SOX5: variants seen among roughly 807,000 people sequenced by gnomAD.
SOX5 encodes SRY-box transcription factor 5.
Under a neutral mutation model 92.0 loss-of-function variants are expected in SOX5, and 9 were observed. That is an observed-to-expected ratio of 0.10 (90% CI 0.06 to 0.17). SOX5 has a LOEUF of 0.17. SOX5 is among the 10% of genes least tolerant of loss of function. The probability of loss-of-function intolerance (pLI) is 1.00; values close to 1 mark genes in which losing one functional copy is unlikely to be tolerated. For synonymous variants in SOX5, 344 were observed against 336.3 expected, an observed-to-expected ratio of 1.02 and a Z score of -0.25; for missense variants, 642 against 944.5, an observed-to-expected ratio of 0.68 and a Z score of 4.20.
At chr12:23,658,601 T>A (rs1341814133) in intron 7 of SOX5, among the ~76,000 whole-genome samples, 3 of 152,074 alleles carry the variant, frequency 2.0e-5, no homozygotes, top group African/African-American at 7.2e-5. Flanking sequence ...ACACAAAAAA[T>A]ACAGAAACCA....
rs7308858 is a variant in SOX5, at chr12:24,053,711, C to A, written c.-1-157687G>T. Among the ~76,000 whole-genome samples the A allele has an allele frequency of 5.4e-3, 820 of 152,220 alleles. 7 individuals are homozygous for A. The highest frequency in any genetic ancestry group is 0.019 in the African/African-American group (793 of 41,500). ...ACTTACTCTCTTCAAATTGCTGCAC[C>A]TCATGTCTTTCTCTTTATTGACTTG... On this transcript the variant is annotated intron_variant, in intron 4 of 4. Coordinates refer to the SOX5 transcript ENST00000446891.
Position 24,446,686 on chromosome 12 carries a change from G to T in SOX5, c.-250-78047C>A, listed in dbSNP as rs558773287. The stretch of plus-strand genomic sequence containing the variant: ...TGGAATTTCAGAAACCAGGTAAGAG[G>T]TCATTGCCACAGAGCAGGCAAGAGG... On this transcript the variant is annotated intron_variant, in intron 1 of 4. Coordinates refer to the SOX5 transcript ENST00000446891. Among the ~76,000 whole-genome samples, 5 of 152,282 alleles carry T rather than the reference G, an allele frequency of 3.3e-5. No homozygotes were observed. The South Asian group carries it at 1.0e-3, about 32-fold the overall frequency.
At chr12:24,482,092 G>A (rs915546918) in intron 1 of SOX5, among the ~76,000 whole-genome samples, 10 of 152,070 alleles carry the variant, frequency 6.6e-5, no homozygotes, top group East Asian at 3.9e-4. Context: ...ATTGTCCTTC[G>A]CCTCGGTAAC....
intron 3 of SOX5, among the ~76,000 whole-genome samples, chr12:23,773,252 A>C (rs1288636839): frequency 6.6e-6 from 1 of 152,208 alleles, no homozygotes; most frequent in Non-Finnish European, 1.5e-5. Context: ...CTGTGACTAA[A>C]TAATTTGTTC....
intron 3 of SOX5, among the ~76,000 whole-genome samples, chr12:24,256,315 G>C (rs1941152714): frequency 6.6e-6 from 1 of 152,122 alleles, no homozygotes; most frequent in African/African-American, 2.4e-5. Flanking sequence ...TTAATTTATG[G>C]CTTTCCATTC....
At chr12:24,413,283 G>A (rs1428122284) in intron 1 of SOX5, among the ~76,000 whole-genome samples, 1 of 152,172 alleles carries the variant, frequency 6.6e-6, no homozygotes, top group Admixed American at 6.5e-5. Flanking sequence ...GTGGAGCAAT[G>A]TCTTAATAAT....
chr12:24,360,623 G>C (rs964900979), intron 2 of SOX5, among the ~76,000 whole-genome samples: 7 of 152,172 alleles, frequency 4.6e-5, no homozygotes, highest in African/African-American at 1.7e-4. Flanking sequence ...TTTTGTCTGA[G>C]TACTTCATTT....
At chr12:24,050,631 G>A (rs986058878) in intron 4 of SOX5, among the ~76,000 whole-genome samples, 5 of 152,048 alleles carry the variant, frequency 3.3e-5, no homozygotes, top group Non-Finnish European at 7.4e-5. Flanking sequence ...CCCAAAAGAG[G>A]TAATGTCTAG....
chr12:24,343,181 G>A (rs558802421), intron 2 of SOX5, among the ~76,000 whole-genome samples: 10 of 152,278 alleles, frequency 6.6e-5, no homozygotes, highest in African/African-American at 2.4e-4. Context: ...GTCCAGGTTG[G>A]CTTTCAACTC....
rs143715414 is a variant in SOX5, at chr12:24,512,241, C to T, written c.-251+50088G>A. Among the ~76,000 whole-genome samples, 122 of 152,200 alleles carry T rather than the reference C, an allele frequency of 8.0e-4. No homozygotes were observed. In the Middle Eastern group the frequency reaches 0.014, roughly 17 times the overall value. On this transcript the variant is annotated intron_variant, in intron 1 of 4. Transcript: ENST00000446891. ...ACTCTGTTAAGATGTCTTACATTTG[C>T]CCAATTTAAAAGCTGTCCTAAAACA...
rs556168720 is a variant in SOX5, at chr12:24,059,817, C to T, written c.-2+153526G>A. Among the ~76,000 whole-genome samples the T allele has an allele frequency of 6.5e-4, 99 of 152,264 alleles. No homozygotes were observed. In the Middle Eastern group the frequency reaches 0.01, roughly 16 times the overall value. On this transcript the variant is annotated intron_variant, in intron 4 of 4. Coordinates refer to the SOX5 transcript ENST00000446891. ...ACCCAAACATATTTACTGAATACAT[C>T]GTTAATGGAAGATTCCAGGTACTGT...
At chr12:24,545,950 T>A (rs1460741240) in intron 1 of SOX5, among the ~76,000 whole-genome samples, 2 of 152,146 alleles carry the variant, frequency 1.3e-5, no homozygotes, top group African/African-American at 4.8e-5. Flanking sequence ...CAACATCTCC[T>A]CCTATCCGTC....
intron 7 of SOX5, among the ~76,000 whole-genome samples, chr12:23,662,016 T>A (rs1555238764): frequency 6.6e-6 from 1 of 152,148 alleles, no homozygotes; most frequent in Non-Finnish European, 1.5e-5. Context: ...AAATACAGAT[T>A]ATTCAACTAA....
At chr12:23,573,086 G>A (rs887571903) in intron 10 of SOX5, among the ~76,000 whole-genome samples, 1 of 151,906 alleles carries the variant, frequency 6.6e-6, no homozygotes, top group African/African-American at 2.4e-5. Context: ...CCTTTACAAG[G>A]GTTAATCCCT....
chr12:24,079,656 A>G (rs762778353), intron 4 of SOX5, among the ~76,000 whole-genome samples: 113 of 152,016 alleles, frequency 7.4e-4, no homozygotes, highest in Non-Finnish European at 1.4e-3. Context: ...TATACTAAGG[A>G]GATCAGTCAT....
intron 2 of SOX5, among the ~76,000 whole-genome samples, chr12:24,294,276 A>T (rs1946948684): frequency 2.7e-5 from 4 of 150,338 alleles, no homozygotes; most frequent in East Asian, 3.9e-4. Flanking sequence ...TCAGTAACTC[A>T]TGGGTTTTTT....
intron 6 of SOX5, among the ~76,000 whole-genome samples, chr12:23,708,855 T>G (rs911958092): frequency 6.6e-6 from 1 of 152,146 alleles, no homozygotes; most frequent in African/African-American, 2.4e-5. Context: ...GCCCACAAAT[T>G]CACAAGATTA....
intron 6 of SOX5, among the ~76,000 whole-genome samples, chr12:23,715,762 G>A: frequency 7.5e-6 from 1 of 134,068 alleles, no homozygotes; most frequent in African/African-American, 2.9e-5. Context: ...CAGCAACTTA[G>A]CAGAGAGGTC....
At chr12:23,847,448 T>C (rs1381769713) in intron 2 of SOX5, among the ~76,000 whole-genome samples, 1 of 152,190 alleles carries the variant, frequency 6.6e-6, no homozygotes, top group Non-Finnish European at 1.5e-5. Flanking sequence ...TCAATATTTT[T>C]AAGGTTAATG....
Sources: allele counts gnomAD v4.1 joint callset (sites outside exome capture counted in the v4.1 genomes callset), GRCh38; gene constraint gnomAD v4.1.1; transcripts MANE v1.5; gene names NCBI Gene and HGNC (gene_info 2026-07-23, HGNC 2026-07-21).